The following TSPEAR variants were observed in gnomAD, a reference collection of about 807,000 sequenced individuals.
TSPEAR encodes the protein thrombospondin type laminin G domain and EAR repeats.
TSPEAR carries 69 observed loss-of-function variants against 71.6 expected under a neutral mutation model. The observed-to-expected ratio is 0.96, with a 90% CI of 0.79 to 1.18. The LOEUF (loss-of-function observed/expected upper bound fraction) is 1.18, where lower values mean the gene tolerates loss of function less well. Among genes scored for constraint, TSPEAR ranks in the 50% most tolerant of loss-of-function variants. TSPEAR has a pLI of 0.00. For missense variants in TSPEAR, 971 were observed against 894.9 expected (o/e 1.09, Z -1.09); for synonymous variants, 402 against 387.2 (o/e 1.04, Z -0.45).
At chr21:44,658,440 AC>A (rs34403100) in intron 1 of TSPEAR, 462,467 of 634,528 alleles carry the variant, frequency 0.73, 170,901 homozygotes, top group African/African-American at 0.89. Context: ...GACCCTGGGA[AC>A]CCCCTCAAGG....
chr21:44,509,032 C>T, intron 10 of TSPEAR, 167 bp downstream of exon 10: 1 of 1,413,846 alleles, frequency 7.1e-7, no homozygotes, highest in Non-Finnish European at 9.6e-7. Context: ...GGAAAGTCCC[C>T]AGGCCATTCT....
chr21:44,579,713 C>T (rs1424173049), intron 1 of TSPEAR: 6 of 1,578,884 alleles, frequency 3.8e-6, no homozygotes, highest in Non-Finnish European at 5.2e-6. Flanking sequence ...ACCAGTTGGC[C>T]CTGGGGGATG....
At chr21:44,592,418 CAGGA>C in intron 1 of TSPEAR, 1 of 1,607,966 alleles carries the variant, frequency 6.2e-7, no homozygotes, top group African/African-American at 1.3e-5. Context: ...TCACAGGAAC[CAGGA>C]AGGCAGACGC....
chr21:44,636,807 T>C (rs1555936765), intron 1 of TSPEAR, among the ~76,000 whole-genome samples: 2 of 152,198 alleles, frequency 1.3e-5, no homozygotes, highest in African/African-American at 4.8e-5. Context: ...GTCCTCCTAA[T>C]GAGCTGACTG....
rs201287112 is a variant in TSPEAR, at chr21:44,580,417, C to T, written c.83-12412G>A. ...ATTGGCAGGGGCTGGGCTCACAGGCCGCCTGGCAGCAGGGGCTGGACACAC... is the reference window on the plus strand; with the variant it reads ...ATTGGCAGGGGCTGGGCTCACAGGCTGCCTGGCAGCAGGGGCTGGACACAC... On this transcript the variant is annotated intron_variant, in intron 1 of 11. Coordinates refer to ENST00000323084, the MANE Select transcript of TSPEAR (RefSeq NM_144991.3). The T allele has an allele frequency of 4.3e-5, 69 of 1,612,920 alleles. No homozygotes were observed. In the African/African-American group the frequency reaches 5.2e-4, roughly 12 times the overall value.
At chr21:44,621,672 G>A (rs937912352) in intron 1 of TSPEAR, among the ~76,000 whole-genome samples, 8 of 152,224 alleles carry the variant, frequency 5.3e-5, no homozygotes, top group Non-Finnish European at 7.3e-5. Context: ...AAAACAAGCT[G>A]ATAAATTTAA....
chr21:44,562,436 CCAT>C (rs1316298112), intron 2 of TSPEAR, among the ~76,000 whole-genome samples: 1 of 152,160 alleles, frequency 6.6e-6, no homozygotes. Context: ...AATGCTATTC[CCAT>C]CAAACTACCA....
intron 1 of TSPEAR, chr21:44,573,633 C>T: frequency 6.7e-7 from 1 of 1,490,800 alleles, no homozygotes; most frequent in East Asian, 2.3e-5. Context: ...CTTGCTGAGC[C>T]TCCTGTCTGG....
chr21:44,625,007 C>A (rs983294469), intron 1 of TSPEAR, among the ~76,000 whole-genome samples: 2 of 152,190 alleles, frequency 1.3e-5, no homozygotes, highest in Non-Finnish European at 1.5e-5. Flanking sequence ...ATTCCCCACA[C>A]ACAAAAGCAG....
intron 1 of TSPEAR, chr21:44,676,993 C>T (rs1332764857): frequency 4.4e-6 from 4 of 919,446 alleles, no homozygotes; most frequent in Admixed American, 3.5e-5. Context: ...TCCTTTCCAC[C>T]CAGGAAGGAC....
chr21:44,637,812 G>A (rs782270585), intron 1 of TSPEAR: 2 of 1,368,632 alleles, frequency 1.5e-6, no homozygotes, highest in Non-Finnish European at 2.0e-6. Flanking sequence ...CAGTCTAGCT[G>A]CCAGCCAACT....
chr21:44,660,958 G>GA (rs1569246010), intron 1 of TSPEAR, among the ~76,000 whole-genome samples: 1 of 151,712 alleles, frequency 6.6e-6, no homozygotes, highest in Non-Finnish European at 1.5e-5. Flanking sequence ...AAAAAGAAAA[G>GA]AAAGAAAAGA....
At chr21:44,626,435 C>T (rs1339264522) in intron 1 of TSPEAR, among the ~76,000 whole-genome samples, 1 of 152,170 alleles carries the variant, frequency 6.6e-6, no homozygotes, top group Non-Finnish European at 1.5e-5. Context: ...CCAGCAGTGG[C>T]GAGGGCTGGC....
At chr21:44,624,765 A>C (rs1214391387) in intron 1 of TSPEAR, among the ~76,000 whole-genome samples, 2 of 152,198 alleles carry the variant, frequency 1.3e-5, no homozygotes, top group Admixed American at 1.3e-4. Context: ...GACTACTAAA[A>C]GCTGTGCTCA....
At chr21:44,693,416 A>C (rs1987200569) in intron 1 of TSPEAR, among the ~76,000 whole-genome samples, 2 of 152,204 alleles carry the variant, frequency 1.3e-5, no homozygotes, top group African/African-American at 4.8e-5. Flanking sequence ...AAGTGAAAAG[A>C]CAATCCACAG....
rs1261377885 is a variant in TSPEAR, at chr21:44,593,280, G to C, written c.83-25275C>G. Among the ~76,000 whole-genome samples, 1 of 152,120 alleles carries C rather than the reference G, an allele frequency of 6.6e-6. No individual in the cohort carries two copies. Among genetic ancestry groups the C allele is most frequent in the Non-Finnish European group, 1.5e-5 (1 of 68,018 alleles). Reference sequence around the variant, plus strand: ...CTGGGGTGGCTCCTCTGTGTGCTCTGCTTCTCCGAGGCTGCCCGTCAGCCC... The same window carrying C: ...CTGGGGTGGCTCCTCTGTGTGCTCTCCTTCTCCGAGGCTGCCCGTCAGCCC... On this transcript the variant is annotated intron_variant, in intron 1 of 11. Transcript: ENST00000323084. The surrounding 1 kb of genome is among the most constrained non-coding windows in gnomAD (Gnocchi z 5.9).
At chr21:44,507,495 T>G (rs2052230822) in intron 10 of TSPEAR, among the ~76,000 whole-genome samples, 1 of 152,200 alleles carries the variant, frequency 6.6e-6, no homozygotes, top group Non-Finnish European at 1.5e-5. Context: ...TGTGCTGTTT[T>G]GATGGTAATT....
intron 1 of TSPEAR, among the ~76,000 whole-genome samples, chr21:44,608,813 G>T (rs923742349): frequency 2.0e-5 from 3 of 152,210 alleles, no homozygotes; most frequent in African/African-American, 7.2e-5. Context: ...AAAGTTGTTG[G>T]TATATGCTAA....
rs587662928 is a variant in TSPEAR, at chr21:44,582,954, C to T, written c.83-14949G>A. On this transcript the variant is annotated intron_variant, in intron 1 of 11. Coordinates refer to ENST00000323084, the MANE Select transcript of TSPEAR (RefSeq NM_144991.3). ...TCTCCTCCCTCAGCCTCCCGAGTAG[C>T]TGGGATTACAGGTGTGCACCACCAC... Among the ~76,000 whole-genome samples the T allele has an allele frequency of 2.0e-5, 3 of 152,290 alleles. No individual in the cohort carries two copies. In the South Asian group the frequency reaches 6.2e-4, roughly 32 times the overall value.
Sources: gnomAD v4.1 joint callset for allele counts (sites outside exome capture counted in the v4.1 genomes callset) on GRCh38, gnomAD v4.1.1 for gene constraint, Gnocchi (gnomAD v3.1) non-coding constraint, MANE v1.5 for transcripts, NCBI Gene and HGNC (gene_info 2026-07-23, HGNC 2026-07-21) for gene names.